TEX14: variants seen among roughly 807,000 people sequenced by gnomAD.
TEX14 encodes testis expressed 14, intercellular bridge forming factor.
Under a neutral mutation model 178.6 loss-of-function variants are expected in TEX14, and 168 were observed. That is an observed-to-expected ratio of 0.94 (90% CI 0.83 to 1.07). The LOEUF is 1.07. TEX14 is among the 50% of genes least tolerant of loss of function. The pLI is 0.00. For missense variants in TEX14, 1,730 were observed against 1,753.6 expected, an observed-to-expected ratio of 0.99 and a Z score of 0.24; for synonymous variants, 626 against 634.1, an observed-to-expected ratio of 0.99 and a Z score of 0.19.
chr17:58,575,233 G>A (rs1405041081), intron 21 of TEX14, among the ~76,000 whole-genome samples: 1 of 151,314 alleles, frequency 6.6e-6, no homozygotes, highest in Admixed American at 6.6e-5. Flanking sequence ...TCCTGCCTCA[G>A]CCTCCCAAGT....
chr17:58,629,322 T>C (rs780125956), intron 3 of TEX14, among the ~76,000 whole-genome samples: 21 of 151,814 alleles, frequency 1.4e-4, no homozygotes, highest in African/African-American at 4.8e-4. Context: ...GGCCTGGTGG[T>C]GCCCACTTGT....
At chr17:58,674,913 G>C (rs866116361) in intron 1 of TEX14, among the ~76,000 whole-genome samples, 11 of 150,846 alleles carry the variant, frequency 7.3e-5, no homozygotes, top group African/African-American at 1.7e-4. Context: ...GGGAGGCTGA[G>C]GGGGGGTGCA....
chr17:58,601,263 C>T (rs1489547228), intron 13 of TEX14, among the ~76,000 whole-genome samples: 1 of 152,002 alleles, frequency 6.6e-6, no homozygotes, highest in Non-Finnish European at 1.5e-5. Flanking sequence ...TGGCTCACAC[C>T]TGTAATCCCA....
At chr17:58,585,742 C>A (rs1004826597) in intron 18 of TEX14, 59 bp downstream of exon 18, 16 of 1,577,174 alleles carry the variant, frequency 1.0e-5, no homozygotes, top group Non-Finnish European at 1.4e-5. Flanking sequence ...GGCTGAGCCA[C>A]CTCGCCCGAC....
chr17:58,584,777 T>C (rs1269224838), intron 18 of TEX14, among the ~76,000 whole-genome samples, 177 bp from the exon 19 acceptor site: 3 of 152,184 alleles, frequency 2.0e-5, no homozygotes, highest in African/African-American at 4.8e-5. Context: ...GACCCCAAAA[T>C]GCAGCCCTGG....
At chr17:58,644,735 CT>C (rs1037438184) in intron 2 of TEX14, among the ~76,000 whole-genome samples, 43 of 147,498 alleles carry the variant, frequency 2.9e-4, no homozygotes, top group East Asian at 1.6e-3. Flanking sequence ...TCCGCCCCCC[CT>C]GGTTCAAGCG....
At chr17:58,632,170 A>T (rs1213606030) in intron 2 of TEX14, among the ~76,000 whole-genome samples, 3 of 152,162 alleles carry the variant, frequency 2.0e-5, no homozygotes, top group African/African-American at 7.2e-5. Context: ...CCCGGTTTGG[A>T]CTGATGATCG....
At chr17:58,678,160 A>C (rs977722090) in intron 1 of TEX14, among the ~76,000 whole-genome samples, 2 of 152,148 alleles carry the variant, frequency 1.3e-5, no homozygotes, top group Non-Finnish European at 2.9e-5. Context: ...AAGGGGGAAA[A>C]AAAAGGGAAG....
At chr17:58,619,546 G>A (rs763843656) in intron 5 of TEX14, among the ~76,000 whole-genome samples, 15 of 152,088 alleles carry the variant, frequency 9.9e-5, no homozygotes, top group Non-Finnish European at 2.1e-4. Context: ...GGTGGCTCAC[G>A]CCTGTAATCC....
chr17:58,611,327 G>A lies in TEX14; in HGVS notation c.1018C>T (p.Pro340Ser), dbSNP rs769392618. 4 of 1,612,860 alleles carry A rather than the reference G, an allele frequency of 2.5e-6. No individual in the cohort carries two copies. Among genetic ancestry groups the A allele is most frequent in the Non-Finnish European group, 3.4e-6 (4 of 1,179,454 alleles). Residue 340 changes from proline (P) to serine (S), a missense_variant, in exon 10 of 32, where the codon CCA (proline) becomes TCA (serine). Pro to Ser is a moderately conservative substitution (Grantham distance 74). Around this residue, in one of 2 missense-constraint regions of TEX14, gnomAD observed 789 missense variants for 681.2 expected, o/e 1.16. Transcript: ENST00000349033. ...SVLHERRSQF[P>S]VLHMEVIVHL... ...ACAATCACCTCCATGTGCAGCACTG[G>A]GAACTGGGACCGCTGCAAGCAAGAG...
intron 2 of TEX14, among the ~76,000 whole-genome samples, chr17:58,645,593 C>T (rs913175398): frequency 4.0e-5 from 6 of 151,490 alleles, no homozygotes; most frequent in Non-Finnish European, 8.8e-5. Flanking sequence ...CTCCTGACCT[C>T]GTGATCCGCC....
chr17:58,600,850 C>T (rs1030238153), intron 13 of TEX14, among the ~76,000 whole-genome samples: 1 of 152,156 alleles, frequency 6.6e-6, no homozygotes, highest in African/African-American at 2.4e-5. Context: ...CAGGTTACAA[C>T]CTCTCTGAAC....
intron 1 of TEX14, among the ~76,000 whole-genome samples, chr17:58,660,115 A>T (rs1315336431): frequency 1.3e-5 from 2 of 149,970 alleles, no homozygotes; most frequent in African/African-American, 4.9e-5. Context: ...TAATAATTTA[A>T]CACTTTAGGC....
intron 3 of TEX14, among the ~76,000 whole-genome samples, chr17:58,623,743 AAAG>A (rs200900757): frequency 0.041 from 6,208 of 150,896 alleles, 187 homozygotes; most frequent in Non-Finnish European, 0.062. Flanking sequence ...AAGGGAAAAA[AAAG>A]AAGAAGAAAG....
intron 1 of TEX14, among the ~76,000 whole-genome samples, chr17:58,678,573 G>C (rs1164887817): frequency 6.6e-6 from 1 of 151,972 alleles, no homozygotes; most frequent in African/African-American, 2.4e-5. Flanking sequence ...ACTTTGCAAG[G>C]ACAGAAAACC....
chr17:58,582,646 C>T (rs1053118185), intron 19 of TEX14, among the ~76,000 whole-genome samples: 1 of 151,324 alleles, frequency 6.6e-6, no homozygotes, highest in Non-Finnish European at 1.5e-5. Context: ...TCACTGCAGC[C>T]TCCGCCTCTG....
At position 58,556,954 on chromosome 17, in the gene TEX14, G is replaced by A; in HGVS notation, c.*57C>T. 1 of 1,399,208 alleles carries A rather than the reference G, an allele frequency of 7.1e-7. No individual in the cohort carries two copies. The highest frequency in any genetic ancestry group is 1.2e-5 in the South Asian group (1 of 86,786). 86.7% of individuals were successfully genotyped at this position (1,399,208 alleles called of 1,614,324 possible). ...ACTGAAGCAGAAAGAGAAGAAAGGA[G>A]CTTACAACCAGGACACTCAAACTCA... On this transcript the variant is annotated 3_prime_UTR_variant, in exon 32 of 32. Coordinates refer to ENST00000349033, the MANE Select transcript of TEX14 (RefSeq NM_031272.5).
chr17:58,659,278 C>A (rs555094497), intron 1 of TEX14: 8 of 918,832 alleles, frequency 8.7e-6, no homozygotes, highest in South Asian at 1.0e-4. Context: ...TCAGGACCAA[C>A]AGCGTCTCTC....
In TEX14 at chr17:58,615,263, C is replaced by T. The variant is rs140185813; in HGVS notation, c.850G>A (p.Asp284Asn). The T allele has an allele frequency of 1.9e-5, 31 of 1,613,584 alleles. No homozygotes were observed. Among genetic ancestry groups the T allele is most frequent in the Middle Eastern group, 1.7e-4 (1 of 6,060 alleles). ...HPHCSRLRLA[D>N]LLIAEQEHSS... The stretch of plus-strand genomic sequence containing the variant: ...TGTTCCTGCTCGGCAATTAACAAGT[C>T]GGCCAGCCGCAGCCTGCTGCAGTGT... The change falls in exon 8 of 32, where the codon GAC (aspartate) becomes AAC (asparagine). Residue 284 changes from aspartate (D) to asparagine (N), a missense_variant. Asp to Asn is a conservative substitution (Grantham distance 23, BLOSUM62 1). This residue lies in a region of TEX14 where 789 missense variants were observed against 681.2 expected (regional missense o/e 1.16). Transcript: ENST00000349033.
Sources: gnomAD v4.1 joint callset for allele counts (sites outside exome capture counted in the v4.1 genomes callset) on GRCh38, gnomAD v4.1.1 for gene constraint, gnomAD v4.1.1 regional missense constraint, MANE v1.5 for transcripts, NCBI Gene and HGNC (gene_info 2026-07-23, HGNC 2026-07-21) for gene names.